Variants in KCND2 observed in about 807,000 individuals in gnomAD.
KCND2 encodes the protein potassium voltage-gated channel subfamily D member 2.
In KCND2, 16 loss-of-function variants were observed where a neutral mutation model predicts 54.4. The ratio of observed to expected loss-of-function variants is 0.29; its 90% confidence interval spans 0.20 to 0.45. The LOEUF is 0.45. Among genes scored for constraint, KCND2 ranks in the 20% least tolerant of loss-of-function variants. KCND2 has a pLI of 1.00. For missense variants in KCND2, 486 were observed against 824.2 expected, an observed-to-expected ratio of 0.59 and a Z score of 5.02; for synonymous variants, 317 against 310.7, an observed-to-expected ratio of 1.02 and a Z score of -0.21.
intron 1 of KCND2, among the ~76,000 whole-genome samples, chr7:120,435,453 C>G (rs1176881576): frequency 1.3e-5 from 2 of 151,818 alleles, no homozygotes; most frequent in African/African-American, 4.8e-5. Flanking sequence ...TCCATTCTTT[C>G]CAGTTTACAT....
At chr7:120,272,984 C>T (rs543097861), upstream of KCND2, among the ~76,000 whole-genome samples, 84 of 152,186 alleles carry the variant, frequency 5.5e-4, no homozygotes, top group African/African-American at 2.0e-3. Context: ...ACCAAACCAC[C>T]GCAGCCCAGC....
chr7:120,561,423 T>C (rs1224346772), intron 1 of KCND2, among the ~76,000 whole-genome samples: 1 of 152,046 alleles, frequency 6.6e-6, no homozygotes, highest in East Asian at 1.9e-4. Context: ...ATCTAAGTCT[T>C]TATCAAAACT....
chr7:120,531,147 C>T (rs924517037), intron 1 of KCND2, among the ~76,000 whole-genome samples: 2 of 152,092 alleles, frequency 1.3e-5, no homozygotes, highest in Non-Finnish European at 2.9e-5. Flanking sequence ...CTGTATTTCT[C>T]TAGTCAATTC....
chr7:120,305,034 T>C (rs550826283), intron 1 of KCND2, among the ~76,000 whole-genome samples: 9 of 152,320 alleles, frequency 5.9e-5, no homozygotes, highest in Non-Finnish European at 8.8e-5. Flanking sequence ...TAATCTTTCA[T>C]GCTTCAAATC....
intron 1 of KCND2, among the ~76,000 whole-genome samples, chr7:120,575,476 C>G (rs184603068): frequency 1.8e-3 from 268 of 152,266 alleles, no homozygotes; most frequent in African/African-American, 5.8e-3. Context: ...GCTGTTCCCA[C>G]CCAGATTGAG....
chr7:120,455,436 G>A (rs1802182733), intron 1 of KCND2, among the ~76,000 whole-genome samples: 1 of 151,940 alleles, frequency 6.6e-6, no homozygotes, highest in African/African-American at 2.4e-5. Flanking sequence ...GTTTCTCAGG[G>A]AACTTAAAAG....
intron 1 of KCND2, among the ~76,000 whole-genome samples, chr7:120,712,241 A>AT (rs869059871): frequency 0.011 from 375 of 34,776 alleles, 126 homozygotes; most frequent in African/African-American, 0.013. Context: ...GGATATCTGA[A>AT]TTTTTTTTTT....
At chr7:120,313,123 A>G (rs1159600114) in intron 1 of KCND2, among the ~76,000 whole-genome samples, 1 of 152,058 alleles carries the variant, frequency 6.6e-6, no homozygotes, top group African/African-American at 2.4e-5. Context: ...TGTCTGCTCT[A>G]TTTCACACTT....
rs570073259 is a variant in KCND2 at position 120,515,965 on chromosome 7, C to T, written c.1116-216938C>T. 1.1e-4 allele frequency among the ~76,000 whole-genome samples: 16 copies of T among 152,126 alleles called. No individual in the cohort carries two copies. In the East Asian group the frequency reaches 2.9e-3, roughly 28 times the overall value. On this transcript the variant is annotated intron_variant, in intron 1 of 5. Transcript: ENST00000331113. Reference sequence around the variant, plus strand: ...ATTTGACCCATGAGAGAATATGTAACCAGCACCTTAGCATTTTAATTATAC... The same window carrying T: ...ATTTGACCCATGAGAGAATATGTAATCAGCACCTTAGCATTTTAATTATAC...
chr7:120,320,192 C>A (rs1425167173), intron 1 of KCND2, among the ~76,000 whole-genome samples: 1 of 151,838 alleles, frequency 6.6e-6, no homozygotes, highest in Admixed American at 6.6e-5. Flanking sequence ...GGAAGACAGG[C>A]ACGTAATATA....
Position 120,749,304 on chromosome 7 carries a change from A to C in KCND2, c.*1446A>C, listed in dbSNP as rs962227197. 3 of 152,132 alleles carry C rather than the reference A, an allele frequency of 2.0e-5. No individual in the cohort carries two copies. The highest frequency in any genetic ancestry group is 7.2e-5 in the African/African-American group (3 of 41,448). The allele number at this position is 152,132 out of a possible 1,614,324, so 9.4% of individuals were successfully genotyped here. On this transcript the variant is annotated 3_prime_UTR_variant, in exon 6 of 6. Transcript: ENST00000331113. ...ATTGCAAGGTACAATTTTCTCCAAT[A>C]AATCAGGAGAACAGGAGTTTGATGA...
intron 1 of KCND2, among the ~76,000 whole-genome samples, chr7:120,304,738 G>T (rs1439351000): frequency 6.6e-6 from 1 of 150,990 alleles, no homozygotes; most frequent in African/African-American, 2.4e-5. Flanking sequence ...CTCCCTTTCT[G>T]TTCCTCCTTT....
Position 120,307,801 on chromosome 7 carries a change from C to T in KCND2, c.1115+32054C>T, listed in dbSNP as rs138884209. Reference sequence around the variant, plus strand: ...TGCACAAGCTTCTGAGACTAGACACCGTGAATATTCTCTGGGCTATTTCAT... The same window carrying T: ...TGCACAAGCTTCTGAGACTAGACACTGTGAATATTCTCTGGGCTATTTCAT... On this transcript the variant is annotated intron_variant, in intron 1 of 5. Coordinates refer to ENST00000331113, the MANE Select transcript of KCND2 (RefSeq NM_012281.3). 5.5e-3 allele frequency among the ~76,000 whole-genome samples: 842 copies of T among 152,156 alleles called. 3 individuals are homozygous for T. The highest frequency in any genetic ancestry group is 9.1e-3 in the South Asian group (44 of 4,828).
intron 1 of KCND2, among the ~76,000 whole-genome samples, chr7:120,655,956 T>A (rs922470496): frequency 6.6e-6 from 1 of 152,158 alleles, no homozygotes; most frequent in Non-Finnish European, 1.5e-5. Context: ...CTTGATTGCA[T>A]ACACTCAATC....
chr7:120,341,051 T>C (rs1296089210), intron 1 of KCND2, among the ~76,000 whole-genome samples: 2 of 152,142 alleles, frequency 1.3e-5, no homozygotes, highest in Admixed American at 1.3e-4. Flanking sequence ...GAGGAGAGAA[T>C]ATTTTTATCT....
At chr7:120,420,104 T>G (rs1801590686) in intron 1 of KCND2, among the ~76,000 whole-genome samples, 1 of 152,076 alleles carries the variant, frequency 6.6e-6, no homozygotes, top group Admixed American at 6.5e-5. Context: ...TTTTTTTAAA[T>G]GCTGGCAAAA....
chr7:120,450,213 C>T (rs1169792219), intron 1 of KCND2, among the ~76,000 whole-genome samples: 1 of 152,130 alleles, frequency 6.6e-6, no homozygotes, highest in African/African-American at 2.4e-5. Flanking sequence ...GAGATCGAGA[C>T]CATCCTGGCC....
rs532510129 is a variant in KCND2, at chr7:120,740,863, C to G, written c.1279-671C>G. The stretch of plus-strand genomic sequence containing the variant: ...AGATGCACATACAGTCGTGCGGACC[C>G]GTGCCGGTAGACAAAGTAGATAAAT... On this transcript the variant is annotated intron_variant, in intron 2 of 5. Transcript: ENST00000331113. The G allele has an allele frequency of 1.5e-5, 7 of 455,902 alleles. No individual in the cohort carries two copies. The East Asian group carries it at 4.9e-4, about 32-fold the overall frequency. 28.2% of individuals were successfully genotyped at this position (455,902 alleles called of 1,614,324 possible). A position where few individuals can be genotyped will look rare whatever the true frequency, so the allele number is the denominator to read the frequency against.
At chr7:120,345,845 C>G (rs557968828) in intron 1 of KCND2, among the ~76,000 whole-genome samples, 1 of 152,078 alleles carries the variant, frequency 6.6e-6, no homozygotes, top group Non-Finnish European at 1.5e-5. Context: ...GTTTTTAATC[C>G]TTTTGAATAT....
Sources: allele counts gnomAD v4.1 joint callset (sites outside exome capture counted in the v4.1 genomes callset), GRCh38; gene constraint gnomAD v4.1.1; transcripts MANE v1.5; gene names NCBI Gene and HGNC (gene_info 2026-07-23, HGNC 2026-07-21).